Variants in ZFHX3 observed in about 807,000 individuals in gnomAD.
The protein encoded by ZFHX3 is zinc finger homeobox 3.
Under a neutral mutation model 279.1 loss-of-function variants are expected in ZFHX3, and 42 were observed. The observed-to-expected ratio is 0.15, with a 90% CI of 0.12 to 0.19. The LOEUF (loss-of-function observed/expected upper bound fraction) is 0.19, where lower values mean the gene tolerates loss of function less well. Ranked by LOEUF, ZFHX3 falls within the 10% of genes least tolerant of loss-of-function variation. The probability of loss-of-function intolerance (pLI) is 1.00; values close to 1 mark genes in which losing one functional copy is unlikely to be tolerated. For synonymous variants in ZFHX3, 2,293 were observed against 1,957.8 expected (o/e 1.17, Z -4.52); for missense variants, 4,981 against 4,754.0 (o/e 1.05, Z -1.40).
chr16:73,548,786 T>C (rs978463257), intron 2 of ZFHX3, among the ~76,000 whole-genome samples: 4 of 152,164 alleles, frequency 2.6e-5, no homozygotes, highest in African/African-American at 9.6e-5. Flanking sequence ...AAATAAAATG[T>C]GCCTTTGAAT....
At chr16:73,223,676 C>A (rs2012496952) in intron 5 of ZFHX3, among the ~76,000 whole-genome samples, 1 of 152,162 alleles carries the variant, frequency 6.6e-6, no homozygotes. Flanking sequence ...TACTCTTCCA[C>A]ATGATCCAGA....
chr16:73,402,881 T>C (rs1200362371), intron 3 of ZFHX3, among the ~76,000 whole-genome samples: 1 of 150,182 alleles, frequency 6.7e-6, no homozygotes, highest in East Asian at 1.9e-4. Context: ...GGGGTGGCTG[T>C]CGTACATATG....
chr16:73,443,336 A>G (rs761506707), intron 3 of ZFHX3, among the ~76,000 whole-genome samples: 2 of 152,222 alleles, frequency 1.3e-5, no homozygotes, highest in Non-Finnish European at 2.9e-5. Flanking sequence ...CATTTTTCTT[A>G]AAAAATAGAC....
At chr16:73,447,555 G>C (rs1014452627) in intron 3 of ZFHX3, among the ~76,000 whole-genome samples, 3 of 152,140 alleles carry the variant, frequency 2.0e-5, no homozygotes, top group African/African-American at 7.2e-5. Context: ...CTAGAGGCAG[G>C]AACATTGCCT....
At chr16:72,972,038 T>C (rs1962128635) in intron 1 of ZFHX3, among the ~76,000 whole-genome samples, 1 of 151,908 alleles carries the variant, frequency 6.6e-6, no homozygotes, top group East Asian at 1.9e-4. Context: ...GGTGCAGGTG[T>C]GCACCATCAC....
chr16:73,141,214 A>C (rs193058500), intron 6 of ZFHX3, among the ~76,000 whole-genome samples: 154 of 152,324 alleles, frequency 1.0e-3, no homozygotes, highest in Non-Finnish European at 1.9e-3. Flanking sequence ...CACCAGTGAA[A>C]TACCTTAGAG....
intron 1 of ZFHX3, among the ~76,000 whole-genome samples, chr16:73,758,450 C>T (rs963221935): frequency 6.6e-6 from 1 of 152,150 alleles, no homozygotes; most frequent in African/African-American, 2.4e-5. Context: ...GCAACCCAGG[C>T]TTTAATTGTT....
chr16:72,909,993 G>A (rs1246520739), intron 3 of ZFHX3, among the ~76,000 whole-genome samples: 3 of 151,334 alleles, frequency 2.0e-5, no homozygotes, highest in South Asian at 2.1e-4. Flanking sequence ...TTTCAATTAC[G>A]AAATGAATTC....
At chr16:73,498,863 A>G (rs1057469237) in intron 2 of ZFHX3, among the ~76,000 whole-genome samples, 3 of 152,182 alleles carry the variant, frequency 2.0e-5, no homozygotes, top group Non-Finnish European at 2.9e-5. Flanking sequence ...AATATTTCCA[A>G]TAGCTGGGCG....
chr16:73,025,233 C>T (rs906967730), intron 1 of ZFHX3, among the ~76,000 whole-genome samples: 2 of 152,132 alleles, frequency 1.3e-5, no homozygotes, highest in African/African-American at 4.8e-5. Context: ...CAACGACCGC[C>T]CTGCACCGCC....
intron 6 of ZFHX3, chr16:73,137,320 C>G (rs1458111358): frequency 6.6e-6 from 1 of 152,214 alleles, no homozygotes; most frequent in Non-Finnish European, 1.5e-5. Context: ...CATCAAGGCT[C>G]AGGGACTGTA....
At chr16:73,802,203 C>T (rs1253354933) in intron 1 of ZFHX3, among the ~76,000 whole-genome samples, 3 of 152,014 alleles carry the variant, frequency 2.0e-5, no homozygotes, top group African/African-American at 7.3e-5. Flanking sequence ...AAACCCCACT[C>T]CCAGGATGAT....
chr16:73,026,694 A>C (rs899200502), intron 1 of ZFHX3, among the ~76,000 whole-genome samples: 13 of 138,324 alleles, frequency 9.4e-5, no homozygotes, highest in Non-Finnish European at 1.8e-4. Flanking sequence ...AAAAAAAAAA[A>C]ACACATAGTA....
intron 2 of ZFHX3, among the ~76,000 whole-genome samples, chr16:73,639,966 A>G (rs1041592646): frequency 1.3e-5 from 2 of 152,214 alleles, no homozygotes; most frequent in Admixed American, 6.5e-5. Context: ...AGGATCTGAA[A>G]GAGGCTAAAA....
chr16:72,874,442 T>A (rs2038254764), intron 4 of ZFHX3, among the ~76,000 whole-genome samples: 1 of 152,000 alleles, frequency 6.6e-6, no homozygotes, highest in Non-Finnish European at 1.5e-5. Context: ...GACCTCGTGA[T>A]CTGCCCGCCT....
chr16:73,774,678 C>A (rs1256012653), intron 1 of ZFHX3, among the ~76,000 whole-genome samples: 2 of 152,196 alleles, frequency 1.3e-5, no homozygotes, highest in Non-Finnish European at 2.9e-5. Context: ...CAAGGAACAG[C>A]TGGGCAACAT....
intron 3 of ZFHX3, among the ~76,000 whole-genome samples, chr16:73,320,055 G>T (rs2015544309): frequency 6.6e-6 from 1 of 152,200 alleles, no homozygotes. Context: ...CAGTACAAAT[G>T]AGGGAGAAAA....
chr16:73,834,749 G>T (rs533409609), intron 1 of ZFHX3, among the ~76,000 whole-genome samples: 5 of 152,290 alleles, frequency 3.3e-5, no homozygotes, highest in African/African-American at 9.6e-5. Flanking sequence ...AATTTAGCTG[G>T]GCATGGTGGC....
intron 1 of ZFHX3, among the ~76,000 whole-genome samples, chr16:73,790,470 C>T (rs1959791001): frequency 6.6e-6 from 1 of 152,196 alleles, no homozygotes; most frequent in Non-Finnish European, 1.5e-5. Context: ...GCTTATGACT[C>T]AGCCACTGAG....
Sources: allele counts gnomAD v4.1 joint callset (sites outside exome capture counted in the v4.1 genomes callset), GRCh38; gene constraint gnomAD v4.1.1; transcripts MANE v1.5; gene names NCBI Gene and HGNC (gene_info 2026-07-23, HGNC 2026-07-21).